PPP1R9A: variants seen among roughly 807,000 people sequenced by gnomAD.
PPP1R9A encodes neurabin-1.
A neutral mutation model predicts 141.9 loss-of-function variants in PPP1R9A; 59 were observed. The ratio of observed to expected loss-of-function variants is 0.42; its 90% CI spans 0.34 to 0.52. The LOEUF (loss-of-function observed/expected upper bound fraction) is 0.52. Among genes scored for constraint, PPP1R9A ranks in the 20% least tolerant of loss-of-function variants. The pLI, the probability that PPP1R9A is intolerant of heterozygous loss-of-function variation, is 0.10. For missense variants in PPP1R9A, 1,444 were observed against 1,611.9 expected, an observed-to-expected ratio of 0.90 and a Z score of 1.78; for synonymous variants, 500 against 569.7, an observed-to-expected ratio of 0.88 and a Z score of 1.74.
intron 2 of PPP1R9A, among the ~76,000 whole-genome samples, chr7:94,966,151 A>G (rs1798190253): frequency 1.3e-5 from 2 of 152,054 alleles, no homozygotes; most frequent in South Asian, 4.1e-4. Flanking sequence ...AATGCTTGTG[A>G]TTTTTGCACA....
At chr7:95,271,841 CAA>C (rs1392335222) in intron 14 of PPP1R9A, among the ~76,000 whole-genome samples, 15 of 152,274 alleles carry the variant, frequency 9.9e-5, no homozygotes, top group Admixed American at 5.9e-4. Flanking sequence ...GCTAAATAAA[CAA>C]AATGTATGTT....
At chr7:94,908,199 C>T in intron 1 of PPP1R9A, 1 of 114,694 alleles carries the variant, frequency 8.7e-6, no homozygotes, top group Admixed American at 1.1e-4. Context: ...AGGAAAAAAT[C>T]GGCTTGTACA....
chr7:95,056,299 T>A (rs1351206051), intron 2 of PPP1R9A, among the ~76,000 whole-genome samples: 1 of 152,138 alleles, frequency 6.6e-6, no homozygotes, highest in Non-Finnish European at 1.5e-5. Context: ...TTTCTTGTAA[T>A]CTTTCATTAT....
intron 2 of PPP1R9A, among the ~76,000 whole-genome samples, chr7:95,064,782 G>A (rs913139351): frequency 2.0e-5 from 3 of 152,186 alleles, no homozygotes; most frequent in African/African-American, 7.2e-5. Context: ...GGAATAACCT[G>A]TGTAGTCACT....
intron 2 of PPP1R9A, among the ~76,000 whole-genome samples, chr7:94,973,639 T>A (rs185052174): frequency 2.0e-4 from 31 of 152,256 alleles, no homozygotes; most frequent in Non-Finnish European, 3.8e-4. Flanking sequence ...GAAGATGACC[T>A]TTATTTATGG....
At chr7:95,121,025 A>G (rs1006514518) in intron 4 of PPP1R9A, among the ~76,000 whole-genome samples, 193 bp downstream of exon 4, 2 of 152,152 alleles carry the variant, frequency 1.3e-5, no homozygotes, top group African/African-American at 2.4e-5. Context: ...TTTAATATAT[A>G]TTAGGTAAAT....
chr7:95,074,465 G>GTT (rs752728522), intron 2 of PPP1R9A, among the ~76,000 whole-genome samples: 5 of 109,760 alleles, frequency 4.6e-5, no homozygotes, highest in South Asian at 5.1e-4. Context: ...GCTTTTTTTT[G>GTT]TTTTTTTTTT....
At position 94,979,244 on chromosome 7, in the gene PPP1R9A, C is replaced by T. The variant is rs141358283; in HGVS notation, c.1395+67736C>T. Among the ~76,000 whole-genome samples, 187 of 152,238 alleles carry T rather than the reference C, an allele frequency of 1.2e-3. 1 individual carries two copies. Among genetic ancestry groups the T allele is most frequent in the African/African-American group, 4.2e-3 (175 of 41,548 alleles). On this transcript the variant is annotated intron_variant, in intron 2 of 19. Coordinates refer to ENST00000433360, the MANE Select transcript of PPP1R9A (RefSeq NM_001166160.2). ...CTTTTATTTTGTTAATCAGATTTGT[C>T]ATATATTTGTAGTGCCAGATTACAT...
At chr7:95,080,027 C>G (rs1311894048) in intron 2 of PPP1R9A, among the ~76,000 whole-genome samples, 1 of 152,122 alleles carries the variant, frequency 6.6e-6, no homozygotes, top group Admixed American at 6.5e-5. Context: ...AAAACTGGCA[C>G]AAGACAGGGA....
intron 2 of PPP1R9A, among the ~76,000 whole-genome samples, chr7:94,939,972 T>C (rs1329996855): frequency 6.6e-6 from 1 of 152,040 alleles, no homozygotes; most frequent in Non-Finnish European, 1.5e-5. Flanking sequence ...GGAGGTTTTA[T>C]GTCATTCACT....
Position 95,288,673 on chromosome 7 carries a change from C to G in PPP1R9A, c.3867C>G (p.Asn1289Lys), listed in dbSNP as rs143809438. The change falls in exon 19 of 20, where the codon AAC becomes AAG. Residue 1289 changes from asparagine (N) to lysine (K), a missense_variant. Transcript: ENST00000433360. ...EQYVSEFSAQ[N>K]ITGEQLLQLD... ...ATGTATCTGAATTCAGTGCCCAAAACATCACTGGAGAACAGCTCCTGCAGT... is the reference window on the plus strand; with the variant it reads ...ATGTATCTGAATTCAGTGCCCAAAAGATCACTGGAGAACAGCTCCTGCAGT... The G allele has an allele frequency of 9.0e-5, 145 of 1,613,942 alleles. No homozygotes were observed. Among genetic ancestry groups the G allele is most frequent in the Non-Finnish European group, 9.8e-5 (116 of 1,180,014 alleles).
At chr7:95,268,469 T>G in intron 12 of PPP1R9A, 81 bp from the exon 13 acceptor site, 2,564 of 1,457,080 alleles carry the variant, frequency 1.8e-3, no homozygotes, top group Non-Finnish European at 2.2e-3. Flanking sequence ...CTGGTTACCT[T>G]GAGATTTTAT....
intron 2 of PPP1R9A, among the ~76,000 whole-genome samples, chr7:94,988,483 T>C (rs2151404291): frequency 6.6e-6 from 1 of 152,172 alleles, no homozygotes; most frequent in Non-Finnish European, 1.5e-5. Flanking sequence ...AAGTAATTAG[T>C]GAATTGGAGG....
At chr7:95,106,058 C>T (rs962643404) in intron 2 of PPP1R9A, among the ~76,000 whole-genome samples, 1 of 152,068 alleles carries the variant, frequency 6.6e-6, no homozygotes, top group Non-Finnish European at 1.5e-5. Flanking sequence ...AGATCAAGAC[C>T]AGCCTGTGCA....
chr7:94,976,344 C>CTTT (rs11400551), intron 2 of PPP1R9A, among the ~76,000 whole-genome samples: 3 of 137,144 alleles, frequency 2.2e-5, no homozygotes, highest in Non-Finnish European at 3.1e-5. Context: ...ATGTTTTATT[C>CTTT]TTTTTTTTTT....
chr7:95,175,078 G>A (rs1225489219), intron 5 of PPP1R9A: 2 of 152,092 alleles, frequency 1.3e-5, no homozygotes, highest in African/African-American at 2.4e-5. Flanking sequence ...CCATCTTTTT[G>A]TAACCTAAAA....
At chr7:95,158,729 T>C (rs1830012102) in intron 4 of PPP1R9A, among the ~76,000 whole-genome samples, 1 of 152,164 alleles carries the variant, frequency 6.6e-6, no homozygotes. Flanking sequence ...AGATATCTCA[T>C]TTAAGTTAAT....
chr7:95,076,191 C>T (rs1324494596), intron 2 of PPP1R9A, among the ~76,000 whole-genome samples: 3 of 152,130 alleles, frequency 2.0e-5, no homozygotes, highest in African/African-American at 7.2e-5. Context: ...GTGTGAGCCA[C>T]CGCACTCAGC....
chr7:95,034,106 C>T (rs113398502), intron 2 of PPP1R9A, among the ~76,000 whole-genome samples: 3,397 of 152,040 alleles, frequency 0.022, 125 homozygotes, highest in African/African-American at 0.078. Flanking sequence ...AGAAAACTGT[C>T]ATCTTTATAT....
Sources: allele counts gnomAD v4.1 joint callset (sites outside exome capture counted in the v4.1 genomes callset), GRCh38; gene constraint gnomAD v4.1.1; transcripts MANE v1.5; gene names NCBI Gene and HGNC (gene_info 2026-07-23, HGNC 2026-07-21).